KIF13A: variants seen among roughly 807,000 people sequenced by gnomAD.
KIF13A encodes kinesin-like protein KIF13A.
A neutral mutation model predicts 212.2 loss-of-function variants in KIF13A; 79 were observed. The ratio of observed to expected loss-of-function variants is 0.37; its 90% confidence interval spans 0.31 to 0.45. The LOEUF (loss-of-function observed/expected upper bound fraction) is 0.45, where lower values mean the gene tolerates loss of function less well. KIF13A is among the 20% of genes least tolerant of loss of function. KIF13A has a pLI of 1.00. For synonymous variants in KIF13A, 789 were observed against 808.6 expected, an observed-to-expected ratio of 0.98 and a Z score of 0.41; for missense variants, 1,901 against 2,209.0, an observed-to-expected ratio of 0.86 and a Z score of 2.79.
At chr6:17,861,341 C>G (rs928691060) in intron 4 of KIF13A, among the ~76,000 whole-genome samples, 1 of 152,140 alleles carries the variant, frequency 6.6e-6, no homozygotes, top group Non-Finnish European at 1.5e-5. Flanking sequence ...TGAACATTTT[C>G]CCATCTCTAC....
At chr6:17,875,636 G>A (rs1187633543) in intron 3 of KIF13A, among the ~76,000 whole-genome samples, 1 of 151,856 alleles carries the variant, frequency 6.6e-6, no homozygotes, top group Non-Finnish European at 1.5e-5. Flanking sequence ...TGTATTTTTA[G>A]TAGAGACGAG....
chr6:17,977,738 C>T (rs926817232), intron 2 of KIF13A, among the ~76,000 whole-genome samples: 3 of 152,302 alleles, frequency 2.0e-5, no homozygotes, highest in African/African-American at 7.2e-5. Flanking sequence ...TTCTAGGATA[C>T]ATGTGCACAA....
chr6:17,979,778 A>G (rs1214886795), intron 2 of KIF13A, among the ~76,000 whole-genome samples: 2 of 151,894 alleles, frequency 1.3e-5, no homozygotes. Flanking sequence ...AAAAAAAAAA[A>G]AGAGAGACTA....
intron 2 of KIF13A, among the ~76,000 whole-genome samples, chr6:17,954,303 C>CA (rs71002291): frequency 4.0e-3 from 429 of 107,156 alleles, no homozygotes; most frequent in African/African-American, 7.9e-3. Context: ...GACTCCATCT[C>CA]AAAAAAAAAA....
rs536813179 is a variant in KIF13A, at chr6:17,878,431, C to CTT, written c.160-4996_160-4995dup. Reference sequence around the variant, plus strand: ...GTTAATTTTTCATGCCTACCTCTAACTTTTTTTTTTTTTTTCATTTTTGTT... The same window carrying CTT: ...GTTAATTTTTCATGCCTACCTCTAACTTTTTTTTTTTTTTTTTCATTTTTGTT... On this transcript the variant is annotated intron_variant, in intron 3 of 38. Transcript: ENST00000259711. 1.1e-3 allele frequency among the ~76,000 whole-genome samples: 150 copies of CTT among 139,864 alleles called. 1 individual carries two copies. Among genetic ancestry groups the CTT allele is most frequent in the African/African-American group, 3.6e-3 (134 of 37,694 alleles). 91.8% of individuals were successfully genotyped at this position (139,864 alleles called of 152,430 possible).
chr6:17,937,640 C>T (rs538920687), intron 2 of KIF13A, among the ~76,000 whole-genome samples: 5 of 152,194 alleles, frequency 3.3e-5, no homozygotes, highest in South Asian at 4.1e-4. Context: ...GCATCTCAAG[C>T]ATCACTATTC....
chr6:17,770,196 C>A (rs1759364012), intron 38 of KIF13A, among the ~76,000 whole-genome samples: 1 of 151,372 alleles, frequency 6.6e-6, no homozygotes. Context: ...GAAAATGAGA[C>A]TCCCTACACT....
intron 2 of KIF13A, among the ~76,000 whole-genome samples, chr6:17,939,979 G>A (rs1776810399): frequency 1.3e-5 from 2 of 150,620 alleles, no homozygotes; most frequent in South Asian, 4.2e-4. Flanking sequence ...GGCGGAGCTT[G>A]CAGTGAGCCG....
chr6:17,794,509 A>G lies in KIF13A; in HGVS notation c.3075+63T>C, dbSNP rs1761868505. The G allele has an allele frequency of 6.4e-7, 1 of 1,564,990 alleles. No homozygotes were observed. The highest frequency in any genetic ancestry group is 1.4e-5 in the African/African-American group (1 of 72,790). On this transcript the variant is annotated intron_variant, in intron 24 of 38. Coordinates refer to ENST00000259711, the MANE Select transcript of KIF13A (RefSeq NM_022113.6). The surrounding 1 kb of genome is among the most constrained non-coding windows in gnomAD (Gnocchi z 4.1). ...TACAAATAGTTAGAAAATCCCCAGA[A>G]ACAATGTGTAAGAGTGGAACAGAGA...
chr6:17,920,873 C>CAA (rs10707103), intron 2 of KIF13A, among the ~76,000 whole-genome samples: 8 of 135,112 alleles, frequency 5.9e-5, no homozygotes, highest in African/African-American at 1.7e-4. Context: ...GACTATGTCT[C>CAA]AAAAAAAAAA....
In KIF13A at chr6:17,895,216, T is replaced by C. The variant is rs907835875; in HGVS notation, c.159+2952A>G. 3.3e-5 allele frequency among the ~76,000 whole-genome samples: 5 copies of C among 152,226 alleles called. No homozygotes were observed. The highest frequency in any genetic ancestry group is 1.2e-4 in the African/African-American group (5 of 41,472). On this transcript the variant is annotated intron_variant, in intron 3 of 38. Transcript: ENST00000259711. This position sits in a 1 kb window ranked among gnomAD's most constrained non-coding sequence, Gnocchi z 4.4. ...TTTGAAGATAACAAATATATTCATTTTGAAGTTCCTGTCTAATAATTTGGT... is the reference window on the plus strand; with the variant it reads ...TTTGAAGATAACAAATATATTCATTCTGAAGTTCCTGTCTAATAATTTGGT...
At chr6:17,779,140 C>T (rs762063310) in intron 32 of KIF13A, 41 bp from the exon 33 acceptor site, 25 of 1,575,104 alleles carry the variant, frequency 1.6e-5, no homozygotes, top group Non-Finnish European at 2.2e-5. Flanking sequence ...TTGATGTGAA[C>T]AACGTTTTCA....
At chr6:17,880,696 G>A (rs1276293908) in intron 3 of KIF13A, among the ~76,000 whole-genome samples, 1 of 150,802 alleles carries the variant, frequency 6.6e-6, no homozygotes, top group East Asian at 1.9e-4. Flanking sequence ...GGGGCTTGAG[G>A]CAATCACAGT....
intron 2 of KIF13A, among the ~76,000 whole-genome samples, chr6:17,935,790 A>G (rs1776406055): frequency 6.6e-6 from 1 of 152,218 alleles, no homozygotes; most frequent in African/African-American, 2.4e-5. Context: ...GTTGATGTAC[A>G]CTACATTGAT....
chr6:17,815,662 A>G (rs1292532949), intron 17 of KIF13A: 1 of 418,872 alleles, frequency 2.4e-6, no homozygotes, highest in East Asian at 7.2e-5. Context: ...TTATTATAAT[A>G]TTGGAATAAA....
chr6:17,780,037 C>T (rs6921268), intron 31 of KIF13A, among the ~76,000 whole-genome samples: 26,324 of 152,122 alleles, frequency 0.17, 2,585 homozygotes, highest in Admixed American at 0.26. Flanking sequence ...TGAGCCACCG[C>T]GCCCAGCCAG....
At chr6:17,818,505 A>AT (rs763426569) in intron 16 of KIF13A, among the ~76,000 whole-genome samples, 26 of 152,194 alleles carry the variant, frequency 1.7e-4, no homozygotes, top group Non-Finnish European at 2.6e-4. Context: ...AAAAGAATCA[A>AT]TTTTTTTAAA....
Position 17,874,999 on chromosome 6 carries a change from GCACGCACACACA to G in KIF13A, c.160-1574_160-1563del, listed in dbSNP as rs796354420. On this transcript the variant is annotated intron_variant, in intron 3 of 38. Transcript: ENST00000259711. ...CCACCACACACACACACACGCACACGCACGCACACACACACACACACACACAGCATGGTTCCT... is the reference window on the plus strand; with the variant it reads ...CCACCACACACACACACACGCACACGCACACACACACACAGCATGGTTCCT... Among the ~76,000 whole-genome samples the G allele has an allele frequency of 3.1e-3, 370 of 120,326 alleles. 1 individual carries two copies. The highest frequency in any genetic ancestry group is 0.025 in the Middle Eastern group (6 of 240). 78.9% of individuals were successfully genotyped at this position (120,326 alleles called of 152,430 possible).
At chr6:17,985,608 T>C (rs1158844029) in intron 2 of KIF13A, among the ~76,000 whole-genome samples, 2 of 112,510 alleles carry the variant, frequency 1.8e-5, no homozygotes, top group Non-Finnish European at 3.4e-5. Flanking sequence ...AACAGAATTT[T>C]TTCCCGAAAC....
Sources: allele counts gnomAD v4.1 joint callset (sites outside exome capture counted in the v4.1 genomes callset), GRCh38; gene constraint gnomAD v4.1.1; non-coding constraint Gnocchi (gnomAD v3.1); transcripts MANE v1.5; gene names NCBI Gene and HGNC (gene_info 2026-07-23, HGNC 2026-07-21).